JAM3: variants seen among roughly 807,000 people sequenced by gnomAD.
JAM3 encodes junctional adhesion molecule C.
In JAM3, 31 loss-of-function variants were observed where a neutral mutation model predicts 39.4. The observed-to-expected ratio is 0.79, with a 90% CI of 0.59 to 1.06. The LOEUF is 1.06. Among genes scored for constraint, JAM3 ranks in the 50% least tolerant of loss-of-function variants. The probability of loss-of-function intolerance (pLI) is 0.00; values close to 1 mark genes in which losing one functional copy is unlikely to be tolerated. For missense variants in JAM3, 455 were observed against 391.4 expected (o/e 1.16, Z -1.37); for synonymous variants, 182 against 148.7 (o/e 1.22, Z -1.63).
chr11:134,123,514 T>G (rs935750471), intron 1 of JAM3, among the ~76,000 whole-genome samples: 2 of 152,210 alleles, frequency 1.3e-5, no homozygotes, highest in African/African-American at 4.8e-5. Context: ...AGACCTATTT[T>G]GAAAAAGTTT....
intron 3 of JAM3, among the ~76,000 whole-genome samples, chr11:134,142,924 T>G (rs1255286244): frequency 6.6e-6 from 1 of 152,218 alleles, no homozygotes; most frequent in Non-Finnish European, 1.5e-5. Flanking sequence ...GTAGCCTGTG[T>G]CCGTACTTCA....
chr11:134,146,575 AAAC>A (rs1310660270), intron 6 of JAM3, among the ~76,000 whole-genome samples: 67 of 152,142 alleles, frequency 4.4e-4, no homozygotes, highest in African/African-American at 1.6e-3. Flanking sequence ...AAAAAACAAA[AAAC>A]AAAAAACACC....
intron 5 of JAM3, 83 bp from the exon 6 acceptor site, chr11:134,145,863 C>A: frequency 1.1e-6 from 1 of 894,766 alleles, no homozygotes; most frequent in Non-Finnish European, 1.9e-6. Context: ...AGGTGTCGAC[C>A]TAGTTCTGGA....
intron 1 of JAM3, among the ~76,000 whole-genome samples, chr11:134,132,585 T>C (rs470452): frequency 0.4 from 60,114 of 152,090 alleles, 12,933 homozygotes; most frequent in African/African-American, 0.58. Flanking sequence ...TCAGGTCAGT[T>C]ATGTCCTGAT....
intron 3 of JAM3, among the ~76,000 whole-genome samples, chr11:134,143,442 C>A (rs1010377915): frequency 2.0e-5 from 3 of 152,180 alleles, no homozygotes; most frequent in African/African-American, 7.2e-5. Context: ...CTGTGTTGCA[C>A]AGGCTGGACA....
chr11:134,121,648 A>G (rs1331641829), intron 1 of JAM3, among the ~76,000 whole-genome samples: 2 of 152,246 alleles, frequency 1.3e-5, no homozygotes, highest in Non-Finnish European at 2.9e-5. Context: ...CTTTAATTTT[A>G]AGGAAAAAAA....
chr11:134,114,815 T>C (rs980436745), intron 1 of JAM3, among the ~76,000 whole-genome samples: 1 of 152,220 alleles, frequency 6.6e-6, no homozygotes, highest in African/African-American at 2.4e-5. Context: ...AAAATATGTA[T>C]TCTGCTGTCT....
At chr11:134,100,308 T>C (rs191565073) in intron 1 of JAM3, among the ~76,000 whole-genome samples, 11 of 152,308 alleles carry the variant, frequency 7.2e-5, no homozygotes, top group African/African-American at 2.4e-4. Context: ...CTGCATAACA[T>C]ACAGTGTTCT....
intron 1 of JAM3, among the ~76,000 whole-genome samples, chr11:134,119,117 A>C (rs624504): frequency 6.6e-6 from 1 of 151,562 alleles, no homozygotes; most frequent in Non-Finnish European, 1.5e-5. Context: ...GTAGAGACAG[A>C]GTTCCGCCAT....
intron 1 of JAM3, chr11:134,123,919 C>A (rs909159556): frequency 4.2e-6 from 5 of 1,182,572 alleles, no homozygotes; most frequent in Non-Finnish European, 6.3e-6. Context: ...GAATTGAAGG[C>A]CCCCCTTCTT....
In JAM3 at chr11:134,090,797, AAAATCTATTG is replaced by A. The variant is rs771428989; in HGVS notation, c.76+21643_76+21652del. Among the ~76,000 whole-genome samples, 253 of 152,328 alleles carry A rather than the reference AAAATCTATTG, an allele frequency of 1.7e-3. 9 individuals carry two copies. The South Asian group carries it at 0.02, about 12-fold the overall frequency. On this transcript the variant is annotated intron_variant, in intron 1 of 8. Transcript: ENST00000299106. ...GCTTTGAAGGTAAGATGATTAAAAAAAAATCTATTGAAATATTTGAACTCAGGTATAATTG... is the reference window on the plus strand; with the variant it reads ...GCTTTGAAGGTAAGATGATTAAAAAAAAATATTTGAACTCAGGTATAATTG...
intron 1 of JAM3, among the ~76,000 whole-genome samples, chr11:134,111,451 C>T (rs1227501141): frequency 1.3e-5 from 2 of 152,064 alleles, no homozygotes; most frequent in African/African-American, 2.4e-5. Context: ...TCAAGGCATT[C>T]ATTTTGTGCC....
intron 3 of JAM3, among the ~76,000 whole-genome samples, chr11:134,142,448 G>T (rs539479892): frequency 6.6e-6 from 1 of 152,296 alleles, no homozygotes; most frequent in East Asian, 1.9e-4. Flanking sequence ...TTAGTGTGCT[G>T]TTTTTAGTGT....
chr11:134,105,970 AC>A (rs1302025112), intron 1 of JAM3, among the ~76,000 whole-genome samples: 1 of 152,188 alleles, frequency 6.6e-6, no homozygotes, highest in African/African-American at 2.4e-5. Flanking sequence ...GCTACCAATG[AC>A]TTTCTTCACA....
intron 1 of JAM3, among the ~76,000 whole-genome samples, chr11:134,132,030 A>G (rs934800593): frequency 6.6e-6 from 1 of 152,196 alleles, no homozygotes; most frequent in African/African-American, 2.4e-5. Context: ...ATTTTGAGAA[A>G]TAATGAAGAA....
intron 3 of JAM3, among the ~76,000 whole-genome samples, chr11:134,141,196 C>G (rs995480158): frequency 1.3e-5 from 2 of 151,964 alleles, no homozygotes; most frequent in Non-Finnish European, 2.9e-5. Flanking sequence ...CTGGGGTTGC[C>G]GATGGGGAGA....
At position 134,149,674 on chromosome 11, in the gene JAM3, C is replaced by T. The variant is rs915507019; in HGVS notation, c.*493C>T. The T allele has an allele frequency of 1.3e-5, 6 of 456,934 alleles. No homozygotes were observed. Among genetic ancestry groups the T allele is most frequent in the Non-Finnish European group, 2.2e-5 (5 of 227,488 alleles). 28.3% of individuals were successfully genotyped at this position (456,934 alleles called of 1,614,324 possible). A position where few individuals can be genotyped will look rare whatever the true frequency, so the allele number is the denominator to read the frequency against. ...TACTTCATCGGCCCACAGACACCAC[C>T]GCAGTTTCTTCTTAAAGGCTCTGCT... is the stretch of plus-strand genomic sequence containing the variant. On this transcript the variant is annotated 3_prime_UTR_variant, in exon 9 of 9. Transcript: ENST00000299106.
intron 1 of JAM3, among the ~76,000 whole-genome samples, chr11:134,098,264 TG>T (rs1565487710): frequency 6.6e-6 from 1 of 151,910 alleles, no homozygotes; most frequent in Non-Finnish European, 1.5e-5. Context: ...AGGGAAGGAG[TG>T]GACACAAAAG....
chr11:134,123,927 CT>C, intron 1 of JAM3: 1 of 1,323,344 alleles, frequency 7.6e-7, no homozygotes, highest in Non-Finnish European at 1.1e-6. Context: ...GGCCCCCCTT[CT>C]TTTTTGTGTT....
Sources: gnomAD v4.1 joint callset for allele counts (sites outside exome capture counted in the v4.1 genomes callset) on GRCh38, gnomAD v4.1.1 for gene constraint, MANE v1.5 for transcripts, NCBI Gene and HGNC (gene_info 2026-07-23, HGNC 2026-07-21) for gene names.